CDH8: variants seen among roughly 807,000 people sequenced by gnomAD.
The protein encoded by CDH8 is cadherin 8.
In CDH8, 17 loss-of-function variants were observed where a neutral mutation model predicts 68.1. The ratio of observed to expected loss-of-function variants is 0.25; its 90% CI spans 0.17 to 0.37. The LOEUF is 0.37. Among genes scored for constraint, CDH8 ranks in the 10% least tolerant of loss-of-function variants. The probability of loss-of-function intolerance (pLI) is 1.00; values close to 1 mark genes in which losing one functional copy is unlikely to be tolerated. For missense variants in CDH8, 763 were observed against 999.3 expected (o/e 0.76, Z 3.19); for synonymous variants, 372 against 365.1 (o/e 1.02, Z -0.21).
chr16:61,713,621 GA>G (rs1012274373), intron 10 of CDH8, among the ~76,000 whole-genome samples: 20 of 151,572 alleles, frequency 1.3e-4, no homozygotes, highest in Admixed American at 8.6e-4. Flanking sequence ...ATTTCCTGGG[GA>G]AAAAATTAAC....
intron 10 of CDH8, among the ~76,000 whole-genome samples, chr16:61,713,208 A>G (rs1964663580): frequency 6.6e-6 from 1 of 151,650 alleles, no homozygotes; most frequent in Non-Finnish European, 1.5e-5. Flanking sequence ...ACATATAATA[A>G]ATAGTATAGT....
chr16:61,677,406 G>T (rs1322558847), intron 10 of CDH8, among the ~76,000 whole-genome samples: 1 of 151,388 alleles, frequency 6.6e-6, no homozygotes, highest in African/African-American at 2.4e-5. Flanking sequence ...GATACAAATG[G>T]GCTCCATTTA....
chr16:61,932,778 G>A (rs1259109864), intron 2 of CDH8, among the ~76,000 whole-genome samples: 2 of 152,134 alleles, frequency 1.3e-5, no homozygotes, highest in African/African-American at 4.8e-5. Context: ...ATAACCAGTT[G>A]CAGGGAAAAA....
At chr16:61,770,119 C>G (rs186726489) in intron 8 of CDH8, among the ~76,000 whole-genome samples, 52 of 151,906 alleles carry the variant, frequency 3.4e-4, no homozygotes, top group Non-Finnish European at 6.3e-4. Context: ...TCTCGCATGA[C>G]ACATTTCTAA....
intron 10 of CDH8, among the ~76,000 whole-genome samples, chr16:61,681,144 T>C (rs1964005511): frequency 1.3e-5 from 2 of 151,862 alleles, no homozygotes; most frequent in African/African-American, 4.8e-5. Context: ...AACTTATCTT[T>C]ACTATATGAC....
In CDH8 at chr16:61,845,773, C is replaced by T. The variant is rs139722185; in HGVS notation, c.667+11346G>A. ...CTTCTCCTTTGTTTTATTTATATAG[C>T]CATATGTGTCTTAGATTCTGCCCAT... is the stretch of plus-strand genomic sequence containing the variant. On this transcript the variant is annotated intron_variant, in intron 4 of 11. Coordinates refer to ENST00000577390, the MANE Select transcript of CDH8 (RefSeq NM_001796.5). 3.9e-5 allele frequency among the ~76,000 whole-genome samples: 6 copies of T among 152,084 alleles called. No homozygotes were observed. In the East Asian group the frequency reaches 9.7e-4, roughly 25 times the overall value.
intron 9 of CDH8, chr16:61,726,167 C>T (rs905565504): frequency 1.3e-5 from 2 of 150,872 alleles, no homozygotes; most frequent in African/African-American, 4.8e-5. Context: ...GGATTAACAA[C>T]TCCAGTGTCA....
chr16:61,979,037 G>GC (rs1395525102), intron 2 of CDH8, among the ~76,000 whole-genome samples: 5 of 148,616 alleles, frequency 3.4e-5, no homozygotes, highest in African/African-American at 5.0e-5. Flanking sequence ...CTTTTGAAAA[G>GC]CAATTTGCTT....
At chr16:61,659,283 G>A (rs1482842997) in intron 10 of CDH8, among the ~76,000 whole-genome samples, 2 of 152,110 alleles carry the variant, frequency 1.3e-5, no homozygotes, top group African/African-American at 4.8e-5. Flanking sequence ...CTAGAGCTTG[G>A]TAAGAATGGT....
intron 2 of CDH8, among the ~76,000 whole-genome samples, chr16:61,994,337 T>G (rs1464486941): frequency 2.6e-5 from 4 of 152,178 alleles, no homozygotes; most frequent in Non-Finnish European, 5.9e-5. Flanking sequence ...CTACTACCAT[T>G]AAGTCTGCAC....
chr16:61,961,214 T>C (rs966732482), intron 2 of CDH8, among the ~76,000 whole-genome samples: 8 of 151,544 alleles, frequency 5.3e-5, no homozygotes, highest in African/African-American at 1.9e-4. Context: ...GCTTGGGAGG[T>C]TGAGGCGGAA....
At chr16:61,945,084 G>A (rs1245203358) in intron 2 of CDH8, among the ~76,000 whole-genome samples, 1 of 152,116 alleles carries the variant, frequency 6.6e-6, no homozygotes, top group African/African-American at 2.4e-5. Flanking sequence ...ACTTTAGTGA[G>A]GAGAACATTT....
intron 10 of CDH8, among the ~76,000 whole-genome samples, chr16:61,699,943 C>T (rs761156677): frequency 6.6e-6 from 1 of 152,070 alleles, no homozygotes; most frequent in Non-Finnish European, 1.5e-5. Flanking sequence ...AGCCAATGTG[C>T]TTTATTAATG....
At chr16:61,776,760 G>C (rs1960910864) in intron 8 of CDH8, among the ~76,000 whole-genome samples, 1 of 151,884 alleles carries the variant, frequency 6.6e-6, no homozygotes, top group Non-Finnish European at 1.5e-5. Flanking sequence ...TTATTATCAA[G>C]TTTACCTTAA....
chr16:61,933,952 T>C (rs1964587600), intron 2 of CDH8, among the ~76,000 whole-genome samples: 1 of 152,224 alleles, frequency 6.6e-6, no homozygotes, highest in African/African-American at 2.4e-5. Flanking sequence ...CATCAAAACC[T>C]GCGATTGTAG....
intron 5 of CDH8, among the ~76,000 whole-genome samples, chr16:61,822,879 A>T (rs1962247452): frequency 6.6e-6 from 1 of 151,912 alleles, no homozygotes; most frequent in East Asian, 1.9e-4. Flanking sequence ...TCTTTTAACC[A>T]TTCCTATTCT....
At chr16:61,952,827 T>A (rs1229617401) in intron 2 of CDH8, among the ~76,000 whole-genome samples, 1 of 151,682 alleles carries the variant, frequency 6.6e-6, no homozygotes, top group Non-Finnish European at 1.5e-5. Flanking sequence ...CCCTCTATGA[T>A]TAAGTGTAGA....
rs145910078 is a variant in CDH8, at chr16:61,976,948, G to A, written c.252+44204C>T. On this transcript the variant is annotated intron_variant, in intron 2 of 11. Transcript: ENST00000577390. ...ATTTGAGAAAACAGTGCGGAATGCA[G>A]ACATCCAGTATAAATATCAGTTTCC... Among the ~76,000 whole-genome samples the A allele has an allele frequency of 9.0e-3, 1,364 of 152,258 alleles. 19 individuals are homozygous for A. The highest frequency in any genetic ancestry group is 0.024 in the African/African-American group (979 of 41,556).
chr16:61,687,585 C>T (rs1360838783), intron 10 of CDH8, among the ~76,000 whole-genome samples: 3 of 152,074 alleles, frequency 2.0e-5, no homozygotes, highest in South Asian at 2.1e-4. Flanking sequence ...ACTAACAACG[C>T]CTTCAGCCCT....
Sources: gnomAD v4.1 joint callset for allele counts (sites outside exome capture counted in the v4.1 genomes callset) on GRCh38, gnomAD v4.1.1 for gene constraint, MANE v1.5 for transcripts, NCBI Gene and HGNC (gene_info 2026-07-23, HGNC 2026-07-21) for gene names.